The following ODAD2 variants were observed in gnomAD, a reference collection of about 807,000 sequenced individuals.
The protein encoded by ODAD2 is outer dynein arm docking complex subunit 2, also known as outer dynein arm-docking complex subunit 2.
Under a neutral mutation model 106.8 loss-of-function variants are expected in ODAD2, and 89 were observed. That is an observed-to-expected ratio of 0.83 (90% CI 0.70 to 0.99). The LOEUF is 0.99. Among genes scored for constraint, ODAD2 ranks in the 50% least tolerant of loss-of-function variants. The pLI, the probability that ODAD2 is intolerant of heterozygous loss-of-function variation, is 0.00. For synonymous variants in ODAD2, 404 were observed against 436.2 expected (o/e 0.93, Z 0.92); for missense variants, 1,168 against 1,238.5 (o/e 0.94, Z 0.85).
At chr10:27,924,635 A>AC (rs1229579931) in intron 16 of ODAD2, among the ~76,000 whole-genome samples, 3 of 147,088 alleles carry the variant, frequency 2.0e-5, no homozygotes, top group Admixed American at 6.8e-5. Context: ...AAAAAAAAAA[A>AC]AAAAACAGAA....
chr10:27,945,148 G>A (rs1846805083), intron 10 of ODAD2, among the ~76,000 whole-genome samples, 186 bp from the exon 11 acceptor site: 1 of 152,158 alleles, frequency 6.6e-6, no homozygotes. Context: ...TTCCAATTAA[G>A]ATTCAACATT....
chr10:27,967,379 G>A (rs374518294), intron 9 of ODAD2, among the ~76,000 whole-genome samples: 5 of 152,232 alleles, frequency 3.3e-5, no homozygotes, highest in South Asian at 2.1e-4. Context: ...ACAAAGTAAC[G>A]AAGGACTCCC....
intron 12 of ODAD2, 117 bp from the exon 13 acceptor site, chr10:27,940,922 T>G: frequency 8.8e-7 from 1 of 1,141,414 alleles, no homozygotes; most frequent in Non-Finnish European, 1.2e-6. Flanking sequence ...AAGAATGCTT[T>G]AAAAAATCAC....
At chr10:27,829,533 T>C (rs779341171) in intron 19 of ODAD2, among the ~76,000 whole-genome samples, 15 of 152,214 alleles carry the variant, frequency 9.9e-5, no homozygotes, top group South Asian at 6.2e-4. Flanking sequence ...AAGGCATATG[T>C]CAAATGTGGT....
intron 9 of ODAD2, among the ~76,000 whole-genome samples, chr10:27,965,486 G>A (rs1848433126): frequency 6.6e-6 from 1 of 152,174 alleles, no homozygotes; most frequent in Admixed American, 6.5e-5. Context: ...AGAGCAAAGT[G>A]GAAGAATGAT....
chr10:27,972,592 T>C (rs1245199153), intron 7 of ODAD2, among the ~76,000 whole-genome samples: 1 of 152,138 alleles, frequency 6.6e-6, no homozygotes, highest in Non-Finnish European at 1.5e-5. Context: ...GAATAGTTTA[T>C]GCAAACAATA....
intron 16 of ODAD2, among the ~76,000 whole-genome samples, chr10:27,927,403 C>A (rs1023282897): frequency 6.6e-6 from 1 of 152,118 alleles, no homozygotes; most frequent in Non-Finnish European, 1.5e-5. Context: ...AGGGATTTGT[C>A]ATTTCCTTAC....
At chr10:27,879,019 T>A (rs1252799872) in intron 17 of ODAD2, among the ~76,000 whole-genome samples, 1 of 151,702 alleles carries the variant, frequency 6.6e-6, no homozygotes, top group Non-Finnish European at 1.5e-5. Flanking sequence ...AGTCTAGACT[T>A]ACATAACAAA....
At chr10:27,893,557 G>T (rs200261733) in intron 17 of ODAD2, among the ~76,000 whole-genome samples, 2 of 151,490 alleles carry the variant, frequency 1.3e-5, no homozygotes, top group African/African-American at 4.9e-5. Context: ...AAACAAAGAC[G>T]TTATTTCAAA....
chr10:27,932,079 C>G (rs755266870), intron 16 of ODAD2, among the ~76,000 whole-genome samples: 2 of 151,998 alleles, frequency 1.3e-5, no homozygotes, highest in Non-Finnish European at 2.9e-5. Context: ...GGACTACAGG[C>G]GCACACCCTC....
chr10:27,896,751 T>C (rs1411107142), intron 17 of ODAD2, among the ~76,000 whole-genome samples: 2 of 152,162 alleles, frequency 1.3e-5, no homozygotes, highest in Non-Finnish European at 2.9e-5. Flanking sequence ...TCTAGATACG[T>C]AGATATATGT....
chr10:27,968,040 G>A (rs1488495428), intron 9 of ODAD2, among the ~76,000 whole-genome samples: 4 of 151,162 alleles, frequency 2.6e-5, no homozygotes, highest in Non-Finnish European at 5.9e-5. Context: ...ATATCAAGGT[G>A]ATGAAGAAGT....
At chr10:27,863,070 G>A (rs1840171597) in intron 17 of ODAD2, among the ~76,000 whole-genome samples, 1 of 152,156 alleles carries the variant, frequency 6.6e-6, no homozygotes. Context: ...ATCAGTTGAT[G>A]GATACATAAC....
rs749613425 is a variant in ODAD2, at chr10:27,950,104, C to T, written c.1387-5142G>A. Among the ~76,000 whole-genome samples the T allele has an allele frequency of 7.2e-5, 11 of 152,248 alleles. No homozygotes were observed. In the East Asian group the frequency reaches 7.7e-4, roughly 11 times the overall value. On this transcript the variant is annotated intron_variant, in intron 10 of 19. Transcript: ENST00000305242. ...AAGCAGCCGGTGAGACTTGGAGAATCGGCACCACTATCACATGGCCATCCA... is the reference window on the plus strand; with the variant it reads ...AAGCAGCCGGTGAGACTTGGAGAATTGGCACCACTATCACATGGCCATCCA...
At chr10:27,942,282 T>A (rs915975371) in intron 12 of ODAD2, among the ~76,000 whole-genome samples, 1 of 152,228 alleles carries the variant, frequency 6.6e-6, no homozygotes, top group Non-Finnish European at 1.5e-5. Context: ...TAAATAATTG[T>A]CTTAGTTGTT....
At chr10:27,875,441 G>T (rs1441918704) in intron 17 of ODAD2, among the ~76,000 whole-genome samples, 2 of 152,272 alleles carry the variant, frequency 1.3e-5, no homozygotes, top group African/African-American at 4.8e-5. Flanking sequence ...CTGATTTTTA[G>T]AATTTTCAGC....
intron 17 of ODAD2, among the ~76,000 whole-genome samples, chr10:27,903,120 C>T (rs762668569): frequency 1.6e-4 from 25 of 152,206 alleles, no homozygotes; most frequent in Non-Finnish European, 2.5e-4. Context: ...TCAGCTTCAT[C>T]CCTGGGATGC....
chr10:27,992,179 G>T (rs1394911687), intron 2 of ODAD2, among the ~76,000 whole-genome samples: 3 of 152,114 alleles, frequency 2.0e-5, no homozygotes, highest in African/African-American at 7.2e-5. Flanking sequence ...TTTCATCAGC[G>T]CCAGGCAAGC....
intron 12 of ODAD2, among the ~76,000 whole-genome samples, chr10:27,941,968 T>C (rs926106744): frequency 1.3e-5 from 2 of 152,166 alleles, no homozygotes; most frequent in African/African-American, 4.8e-5. Flanking sequence ...AGGTGGACAC[T>C]CCTGGTCTAA....
Sources: allele counts gnomAD v4.1 joint callset (sites outside exome capture counted in the v4.1 genomes callset), GRCh38; gene constraint gnomAD v4.1.1; transcripts MANE v1.5; gene names NCBI Gene and HGNC (gene_info 2026-07-23, HGNC 2026-07-21).